The following USP9X variants were observed in gnomAD, a reference collection of about 807,000 sequenced individuals.
USP9X encodes ubiquitin carboxyl-terminal hydrolase 9X.
A neutral mutation model predicts 190.3 loss-of-function variants in USP9X; 7 were observed. That is an observed-to-expected ratio of 0.04 (90% CI 0.02 to 0.07). The LOEUF (loss-of-function observed/expected upper bound fraction) is 0.07, where lower values mean the gene tolerates loss of function less well. Among genes scored for constraint, USP9X ranks in the 10% least tolerant of loss-of-function variants. The pLI is 1.00. For missense variants in USP9X, 1,010 were observed against 1,916.9 expected (o/e 0.53, Z 8.83); for synonymous variants, 645 against 659.5 (o/e 0.98, Z 0.34).
intron 9 of USP9X, among the ~76,000 whole-genome samples, chrX:41,142,407 C>T (rs973809239): frequency 2.7e-5 from 3 of 111,165 alleles, no homozygotes; most frequent in African/African-American, 9.8e-5. Context: ...TTTGGGAGGC[C>T]GAGGAGAGAT....
chrX:41,103,304 TAA>T (rs762179758), intron 1 of USP9X, among the ~76,000 whole-genome samples: 1 of 112,703 alleles, frequency 8.9e-6, no homozygotes, highest in Non-Finnish European at 1.9e-5. Flanking sequence ...CTTTTTAAAA[TAA>T]GTCTTTTCGT....
intron 1 of USP9X, among the ~76,000 whole-genome samples, chrX:41,117,562 C>CT (rs1253031849): frequency 3.4e-4 from 34 of 100,421 alleles, no homozygotes; most frequent in East Asian, 2.2e-3. Flanking sequence ...CCATTCTAAC[C>CT]TTTTTTTTTT....
intron 1 of USP9X, among the ~76,000 whole-genome samples, chrX:41,092,182 T>A (rs948192508): frequency 1.8e-5 from 2 of 111,793 alleles, no homozygotes; most frequent in East Asian, 5.6e-4. Context: ...GCATATTAGA[T>A]CCCATCTTCT....
chrX:41,118,358 C>T (rs761189899), intron 1 of USP9X, among the ~76,000 whole-genome samples: 5 of 110,642 alleles, frequency 4.5e-5, no homozygotes, highest in Non-Finnish European at 9.5e-5. Flanking sequence ...ATCTGGGTAC[C>T]CGTGTACTTG....
Position 41,197,437 on chromosome X carries a change from A to G in USP9X, c.4307A>G (p.Glu1436Gly). 8.3e-7 allele frequency: 1 copy of G among 1,201,779 alleles called. No homozygotes were observed. The highest frequency in any genetic ancestry group is 1.1e-6 in the Non-Finnish European group (1 of 891,079). ...ILEGHLGVTK[E>G]LLAFQTSEKK... ...GAGGGCCACCTTGGAGTGACAAAGG[A>G]GTTACTGGCCTTTCAAACTTCTGAG... The change falls in exon 29 of 45, where the codon GAG becomes GGG. Residue 1436 changes from glutamate (E) to glycine (G), a missense_variant. Glu to Gly is a moderately conservative substitution (Grantham distance 98). This residue lies in a region of USP9X where 351 missense variants were observed against 480.8 expected (regional missense o/e 0.73). Transcript: ENST00000378308.
rs60200874 is a variant in USP9X at position 41,102,798 on chromosome X, C to CTT, written c.-159+16700_-159+16701dup. Among the ~76,000 whole-genome samples the CTT allele has an allele frequency of 6.0e-3, 605 of 101,584 alleles. 4 individuals are homozygous for CTT. Among genetic ancestry groups the CTT allele is most frequent in the African/African-American group, 0.018 (511 of 27,934 alleles). 88.2% of individuals were successfully genotyped at this position (101,584 alleles called of 115,157 possible). On this transcript the variant is annotated intron_variant, in intron 1 of 44. Transcript: ENST00000378308. The stretch of plus-strand genomic sequence containing the variant: ...TGTTAACAGATAACTTTGAGTTTAT[C>CTT]TTTTTTTTTTTTGAGACGGAGTCTT...
intron 1 of USP9X, among the ~76,000 whole-genome samples, chrX:41,099,529 A>C (rs924256923): frequency 2.7e-5 from 3 of 111,137 alleles, no homozygotes; most frequent in Admixed American, 1.9e-4. Context: ...AAGTTTAGGA[A>C]TATCTGGTGG....
At chrX:41,105,345 A>G (rs2062061783) in intron 1 of USP9X, among the ~76,000 whole-genome samples, 2 of 111,830 alleles carry the variant, frequency 1.8e-5, no homozygotes, top group Admixed American at 1.9e-4. Context: ...AGTGGCAACC[A>G]CTATTCTACT....
intron 1 of USP9X, among the ~76,000 whole-genome samples, chrX:41,120,755 C>G (rs2062184476): frequency 9.0e-6 from 1 of 111,012 alleles, no homozygotes; most frequent in Non-Finnish European, 1.9e-5. Flanking sequence ...GCCTCAGCCT[C>G]CCAAAGTGCT....
intron 1 of USP9X, among the ~76,000 whole-genome samples, chrX:41,111,773 C>T (rs905569718): frequency 9.0e-6 from 1 of 110,530 alleles, no homozygotes; most frequent in African/African-American, 3.3e-5. Flanking sequence ...CAAGATGAGG[C>T]TGGAATTGGG....
intron 1 of USP9X, among the ~76,000 whole-genome samples, chrX:41,091,302 A>C (rs1198727457): frequency 8.9e-6 from 1 of 112,184 alleles, no homozygotes; most frequent in Non-Finnish European, 1.9e-5. Flanking sequence ...AATTCTTGGC[A>C]TACTGGCTTT....
chrX:41,190,788 C>G (rs2062927598), intron 26 of USP9X, among the ~76,000 whole-genome samples: 1 of 111,641 alleles, frequency 9.0e-6, no homozygotes, highest in Non-Finnish European at 1.9e-5. Flanking sequence ...TTTTGCCCCT[C>G]TCTTCCCTGA....
At chrX:41,223,153 CTTAA>C in intron 38 of USP9X, 60 bp from the exon 39 acceptor site, 13 of 1,076,747 alleles carry the variant, frequency 1.2e-5, no homozygotes, top group Non-Finnish European at 1.6e-5. Flanking sequence ...CCCTTGCCAT[CTTAA>C]TTTTTTCCTC....
intron 1 of USP9X, among the ~76,000 whole-genome samples, chrX:41,087,029 C>T (rs1232291584): frequency 8.9e-6 from 1 of 112,192 alleles, no homozygotes; most frequent in Non-Finnish European, 1.9e-5. Flanking sequence ...TGCAAAATTT[C>T]TAGTAGAACC....
chrX:41,156,221 A>G (rs921340096), intron 14 of USP9X, among the ~76,000 whole-genome samples: 6 of 112,111 alleles, frequency 5.4e-5, no homozygotes, highest in Non-Finnish European at 7.5e-5. Context: ...GCAAAACAGC[A>G]AGAGTCTGTA....
At chrX:41,101,358 T>A (rs1366323738) in intron 1 of USP9X, among the ~76,000 whole-genome samples, 2 of 108,069 alleles carry the variant, frequency 1.9e-5, no homozygotes, top group African/African-American at 3.4e-5. Flanking sequence ...GGCGGGTGGA[T>A]CACGAGGTCA....
chrX:41,111,917 C>T (rs1477842096), intron 1 of USP9X, among the ~76,000 whole-genome samples: 1 of 107,056 alleles, frequency 9.3e-6, no homozygotes, highest in African/African-American at 3.4e-5. Flanking sequence ...ACAATCTTGG[C>T]TCACTGCAAC....
intron 11 of USP9X, among the ~76,000 whole-genome samples, chrX:41,146,283 G>T (rs1401919352): frequency 8.9e-6 from 1 of 111,976 alleles, no homozygotes; most frequent in African/African-American, 3.2e-5. Context: ...TTGTCATTTG[G>T]TAACAAGCAC....
chrX:41,126,191 G>A (rs183767355), intron 2 of USP9X, among the ~76,000 whole-genome samples: 1 of 111,381 alleles, frequency 9.0e-6, no homozygotes, highest in African/African-American at 3.3e-5. Flanking sequence ...CAAGTCGGGG[G>A]TTTTTTCTCC....
Sources: allele counts gnomAD v4.1 joint callset (sites outside exome capture counted in the v4.1 genomes callset), GRCh38; gene constraint gnomAD v4.1.1; regional missense constraint gnomAD v4.1.1; transcripts MANE v1.5; gene names NCBI Gene and HGNC (gene_info 2026-07-23, HGNC 2026-07-21).